ITGA9: variants seen among roughly 807,000 people sequenced by gnomAD.
The protein encoded by ITGA9 is integrin alpha-9.
A neutral mutation model predicts 127.8 loss-of-function variants in ITGA9; 56 were observed. The ratio of observed to expected loss-of-function variants is 0.44; its 90% CI spans 0.35 to 0.55. ITGA9 has a LOEUF of 0.55. Among genes scored for constraint, ITGA9 ranks in the 20% least tolerant of loss-of-function variants. The pLI, the probability that ITGA9 is intolerant of heterozygous loss-of-function variation, is 0.00. For missense variants in ITGA9, 1,196 were observed against 1,347.1 expected (o/e 0.89, Z 1.76); for synonymous variants, 508 against 514.5 (o/e 0.99, Z 0.17).
chr3:37,744,091 A>G (rs1031138108), intron 22 of ITGA9, 57 bp downstream of exon 22: 2 of 1,138,414 alleles, frequency 1.8e-6, no homozygotes, highest in Admixed American at 1.7e-5. Flanking sequence ...GGCACATGGG[A>G]TGTCTCTCCT....
intron 12 of ITGA9, among the ~76,000 whole-genome samples, chr3:37,525,593 A>G (rs377442535): frequency 3.5e-4 from 54 of 152,368 alleles, no homozygotes; most frequent in Admixed American, 8.5e-4. Flanking sequence ...AGTATAAGCC[A>G]TATGTGTAAT....
At chr3:37,483,653 C>T (rs1698579532) in intron 4 of ITGA9, among the ~76,000 whole-genome samples, 1 of 152,190 alleles carries the variant, frequency 6.6e-6, no homozygotes, top group African/African-American at 2.4e-5. Flanking sequence ...GGGCTTCCTC[C>T]ACCTGGCATC....
At chr3:37,731,303 C>T (rs1370324096) in intron 18 of ITGA9, among the ~76,000 whole-genome samples, 6 of 152,018 alleles carry the variant, frequency 3.9e-5, no homozygotes, top group East Asian at 1.9e-4. Context: ...CTGCAAGCTC[C>T]GCCTCCCGGG....
chr3:37,560,951 C>T (rs2555241), intron 15 of ITGA9, among the ~76,000 whole-genome samples: 47,605 of 151,968 alleles, frequency 0.31, 8,967 homozygotes, highest in East Asian at 0.49. Flanking sequence ...CCTGTGTCCC[C>T]GCATGGTCTT....
At chr3:37,681,661 A>C (rs2125661767) in intron 17 of ITGA9, among the ~76,000 whole-genome samples, 2 of 152,266 alleles carry the variant, frequency 1.3e-5, no homozygotes, top group South Asian at 4.1e-4. Flanking sequence ...TGGTTATCCG[A>C]TTAAAACTGG....
chr3:37,718,637 C>T (rs1326731537), intron 18 of ITGA9, among the ~76,000 whole-genome samples: 3 of 152,220 alleles, frequency 2.0e-5, no homozygotes, highest in Non-Finnish European at 2.9e-5. Context: ...AAGAATCCCA[C>T]TCTGGAGGCT....
intron 15 of ITGA9, among the ~76,000 whole-genome samples, chr3:37,563,976 G>T (rs531935525): frequency 2.6e-5 from 4 of 152,246 alleles, no homozygotes; most frequent in South Asian, 2.1e-4. Context: ...TTTTTCAAAG[G>T]ATAGTAACGA....
At chr3:37,665,668 G>A (rs773712388) in intron 17 of ITGA9, among the ~76,000 whole-genome samples, 8 of 151,486 alleles carry the variant, frequency 5.3e-5, no homozygotes, top group African/African-American at 9.7e-5. Flanking sequence ...TTGGCCAGGC[G>A]GGTCTCGAAA....
intron 15 of ITGA9, among the ~76,000 whole-genome samples, chr3:37,547,875 G>C (rs540289618): frequency 3.3e-5 from 5 of 152,298 alleles, no homozygotes; most frequent in South Asian, 2.1e-4. Flanking sequence ...ATGTCTTTCA[G>C]CTATCCTATT....
chr3:37,754,788 G>A (rs1274786137), intron 23 of ITGA9, among the ~76,000 whole-genome samples: 1 of 152,120 alleles, frequency 6.6e-6, no homozygotes, highest in East Asian at 1.9e-4. Flanking sequence ...TTGTACAGTA[G>A]ACAGGCCTAC....
chr3:37,694,434 C>T (rs879926881), intron 18 of ITGA9, among the ~76,000 whole-genome samples: 2 of 152,300 alleles, frequency 1.3e-5, no homozygotes, highest in East Asian at 1.9e-4. Context: ...CTGCGGCAGT[C>T]GGCAGTGAGG....
intron 23 of ITGA9, among the ~76,000 whole-genome samples, chr3:37,776,326 A>G (rs1017792860): frequency 2.0e-5 from 3 of 152,148 alleles, no homozygotes; most frequent in Admixed American, 2.0e-4. Flanking sequence ...GTACTCCCAA[A>G]CATAAAATAA....
At chr3:37,758,927 G>T (rs1428437919) in intron 23 of ITGA9, among the ~76,000 whole-genome samples, 1 of 151,790 alleles carries the variant, frequency 6.6e-6, no homozygotes, top group Non-Finnish European at 1.5e-5. Context: ...ACCAACTGAG[G>T]GTGAAAACCT....
chr3:37,749,919 GT>G (rs1696560189), intron 22 of ITGA9, among the ~76,000 whole-genome samples: 1 of 152,146 alleles, frequency 6.6e-6, no homozygotes, highest in Non-Finnish European at 1.5e-5. Context: ...GACCAGATCT[GT>G]GGGTCTCAAG....
chr3:37,796,876 T>G (rs1297935401), intron 26 of ITGA9, among the ~76,000 whole-genome samples: 1 of 151,966 alleles, frequency 6.6e-6, no homozygotes, highest in African/African-American at 2.4e-5. Flanking sequence ...TTTACTGGAG[T>G]CCGTAGACAG....
At chr3:37,778,719 T>C (rs1338562568) in intron 24 of ITGA9, among the ~76,000 whole-genome samples, 1 of 139,300 alleles carries the variant, frequency 7.2e-6, no homozygotes, top group East Asian at 2.1e-4. Flanking sequence ...GAAGATGGAA[T>C]GACAATGCTT....
intron 15 of ITGA9, among the ~76,000 whole-genome samples, chr3:37,569,294 G>C (rs781454048): frequency 6.6e-6 from 1 of 152,176 alleles, no homozygotes; most frequent in Non-Finnish European, 1.5e-5. Context: ...GGAAATACCT[G>C]TCCCCATGAT....
chr3:37,524,882 A>G (rs1699077553), intron 12 of ITGA9, among the ~76,000 whole-genome samples: 1 of 152,260 alleles, frequency 6.6e-6, no homozygotes, highest in Admixed American at 6.5e-5. Flanking sequence ...AGGGAAATTG[A>G]CAAATTCATC....
At position 37,512,016 on chromosome 3, in the gene ITGA9, TTCTTTTCTTTTC is replaced by T. The variant is rs1331210168; in HGVS notation, c.898-1745_898-1734del. ...TTCTTTTCTTTTCTTTTCTTTTCTTTTCTTTTCTTTTCTTTCTTTCTTTCTTTCTTTCTTTCT... is the reference window on the plus strand; with the variant it reads ...TTCTTTTCTTTTCTTTTCTTTTCTTTTTTCTTTCTTTCTTTCTTTCTTTCT... On this transcript the variant is annotated intron_variant, in intron 8 of 27. Coordinates refer to ENST00000264741, the MANE Select transcript of ITGA9 (RefSeq NM_002207.3). Among the ~76,000 whole-genome samples the T allele has an allele frequency of 9.9e-5, 3 of 30,238 alleles. 1 individual carries two copies. The highest frequency in any genetic ancestry group is 3.0e-4 in the African/African-American group (3 of 10,062). The allele number at this position is 30,238 out of a possible 152,430, so 19.8% of individuals were successfully genotyped here. A position where few individuals can be genotyped will look rare whatever the true frequency, so the allele number is the denominator to read the frequency against.
Sources: allele counts gnomAD v4.1 joint callset (sites outside exome capture counted in the v4.1 genomes callset), GRCh38; gene constraint gnomAD v4.1.1; transcripts MANE v1.5; gene names NCBI Gene and HGNC (gene_info 2026-07-23, HGNC 2026-07-21).